The following ASIC2 variants were observed in gnomAD, a reference collection of about 807,000 sequenced individuals.
The protein encoded by ASIC2 is acid sensing ion channel subunit 2, also known as acid-sensing ion channel 2.
Under a neutral mutation model 57.3 loss-of-function variants are expected in ASIC2, and 25 were observed. That is an observed-to-expected ratio of 0.44 (90% CI 0.32 to 0.61). ASIC2 has a LOEUF of 0.61. Ranked by LOEUF, ASIC2 falls within the 20% of genes least tolerant of loss-of-function variation. The pLI is 0.06. For missense variants in ASIC2, 641 were observed against 738.1 expected (o/e 0.87, Z 1.52); for synonymous variants, 319 against 307.5 (o/e 1.04, Z -0.39).
Position 33,449,027 on chromosome 17 carries a change from A to G in ASIC2, c.556-336960T>C, listed in dbSNP as rs1001545539. On this transcript the variant is annotated intron_variant, in intron 1 of 9. Coordinates refer to the ASIC2 transcript ENST00000359872. ...TTCACTCCTGTAAAATGAAATAATAATATCTGCCCAAGGGTACCATTTGGT... is the reference window on the plus strand; with the variant it reads ...TTCACTCCTGTAAAATGAAATAATAGTATCTGCCCAAGGGTACCATTTGGT... Among the ~76,000 whole-genome samples the G allele has an allele frequency of 2.6e-5, 4 of 152,322 alleles. No individual in the cohort carries two copies. In the South Asian group the frequency reaches 8.3e-4, roughly 32 times the overall value.
chr17:33,841,769 T>C (rs1221140355), intron 1 of ASIC2, among the ~76,000 whole-genome samples: 1 of 152,188 alleles, frequency 6.6e-6, no homozygotes, highest in Non-Finnish European at 1.5e-5. Flanking sequence ...GGGAAGATCT[T>C]GCTCTTGTGT....
rs115911557 is a variant in ASIC2 at position 33,114,356 on chromosome 17, G to T, written c.709-2289C>A. Among the ~76,000 whole-genome samples, 595 of 152,306 alleles carry T rather than the reference G, an allele frequency of 3.9e-3. 2 individuals are homozygous for T. The highest frequency in any genetic ancestry group is 0.014 in the African/African-American group (575 of 41,568). ...ATGAACAGATAAGAGCATTTCATAA[G>T]CACATCCATTGCAAGGCATTGAACA... On this transcript the variant is annotated intron_variant, in intron 1 of 9. Transcript: ENST00000225823.
chr17:33,877,720 C>A (rs1250372717), intron 1 of ASIC2, among the ~76,000 whole-genome samples: 2 of 152,246 alleles, frequency 1.3e-5, no homozygotes, highest in Non-Finnish European at 2.9e-5. Flanking sequence ...GAAACCTCTG[C>A]AGACTTAAAT....
intron 1 of ASIC2, among the ~76,000 whole-genome samples, chr17:33,771,793 G>A (rs1191786944): frequency 1.3e-5 from 2 of 152,168 alleles, no homozygotes; most frequent in East Asian, 3.8e-4. Flanking sequence ...ACAGGCAAAA[G>A]ATCAAATATG....
At chr17:33,251,547 T>C (rs1908882676) in intron 1 of ASIC2, among the ~76,000 whole-genome samples, 2 of 152,176 alleles carry the variant, frequency 1.3e-5, no homozygotes, top group South Asian at 4.1e-4. Flanking sequence ...AGGCTGATCT[T>C]GAACTCCTGG....
intron 1 of ASIC2, among the ~76,000 whole-genome samples, chr17:33,914,597 C>T (rs1435212435): frequency 6.6e-6 from 1 of 152,128 alleles, no homozygotes; most frequent in Non-Finnish European, 1.5e-5. Flanking sequence ...AGAATGAAGG[C>T]CATATGGGGC....
At chr17:33,777,838 C>T (rs1911330841) in intron 1 of ASIC2, among the ~76,000 whole-genome samples, 1 of 152,214 alleles carries the variant, frequency 6.6e-6, no homozygotes, top group African/African-American at 2.4e-5. Context: ...CCAAGTGCTT[C>T]TCTCCTTCCT....
chr17:33,013,248 AG>A lies in ASIC2; in HGVS notation c.*716del, dbSNP rs2091787309. ...CAAATCTCCATCGGACAAACATAAAAGCCCCCCTACCCCAGATAAAAAGAAT... is the reference window on the plus strand; with the variant it reads ...CAAATCTCCATCGGACAAACATAAAACCCCCCTACCCCAGATAAAAAGAAT... On this transcript the variant is annotated 3_prime_UTR_variant, in exon 10 of 10. Coordinates refer to ENST00000225823, the MANE Select transcript of ASIC2 (RefSeq NM_183377.2). 6.6e-6 allele frequency: 1 copy of A among 152,318 alleles called. No homozygotes were observed. Among genetic ancestry groups the A allele is most frequent in the Non-Finnish European group, 1.5e-5 (1 of 68,060 alleles). The allele number at this position is 152,318 out of a possible 1,614,324, so 9.4% of individuals were successfully genotyped here.
intron 1 of ASIC2, among the ~76,000 whole-genome samples, chr17:33,130,393 A>G (rs1297999640): frequency 6.6e-6 from 1 of 152,174 alleles, no homozygotes; most frequent in Non-Finnish European, 1.5e-5. Flanking sequence ...GGTGATAGGT[A>G]CAAGGGGTTC....
chr17:34,058,881 T>TA (rs1908866752), intron 1 of ASIC2, among the ~76,000 whole-genome samples: 3 of 152,194 alleles, frequency 2.0e-5, no homozygotes, highest in African/African-American at 7.2e-5. Context: ...AGGTAGGTAT[T>TA]ATGACCTATA....
chr17:33,093,329 T>C (rs1222837626), intron 2 of ASIC2, among the ~76,000 whole-genome samples: 2 of 152,094 alleles, frequency 1.3e-5, no homozygotes, highest in East Asian at 3.9e-4. Flanking sequence ...ATTTGTCTTA[T>C]TGGCAACTGA....
At chr17:33,372,924 C>G (rs1169358579) in intron 1 of ASIC2, among the ~76,000 whole-genome samples, 1 of 152,162 alleles carries the variant, frequency 6.6e-6, no homozygotes, top group Non-Finnish European at 1.5e-5. Context: ...CAGGAGAGTT[C>G]TCTTTTCTCT....
chr17:33,612,654 T>C (rs1020938394), intron 1 of ASIC2, among the ~76,000 whole-genome samples: 2 of 152,142 alleles, frequency 1.3e-5, no homozygotes, highest in African/African-American at 4.8e-5. Context: ...CAGGCTGAGG[T>C]GTGTAAGTAT....
At chr17:33,470,585 A>G (rs1913017010) in intron 1 of ASIC2, among the ~76,000 whole-genome samples, 1 of 152,182 alleles carries the variant, frequency 6.6e-6, no homozygotes, top group Non-Finnish European at 1.5e-5. Context: ...GGTGATGCTG[A>G]TGCTATGAGT....
intron 1 of ASIC2, among the ~76,000 whole-genome samples, chr17:33,359,562 C>A (rs1194731569): frequency 6.6e-6 from 1 of 152,190 alleles, no homozygotes; most frequent in Non-Finnish European, 1.5e-5. Context: ...AGTAGCAATG[C>A]TCAGGGCTCA....
At chr17:33,847,811 G>A (rs188115972) in intron 1 of ASIC2, among the ~76,000 whole-genome samples, 1 of 152,204 alleles carries the variant, frequency 6.6e-6, no homozygotes. Flanking sequence ...CCCAGTGGAG[G>A]GGAGCCTGGG....
chr17:33,453,404 G>C (rs1004168194), intron 1 of ASIC2, among the ~76,000 whole-genome samples: 10 of 152,084 alleles, frequency 6.6e-5, no homozygotes, highest in Non-Finnish European at 1.2e-4. Context: ...GAGGGTGATG[G>C]ACTCTAGAGC....
At chr17:33,670,203 A>G (rs187771240) in intron 1 of ASIC2, among the ~76,000 whole-genome samples, 445 of 152,176 alleles carry the variant, frequency 2.9e-3, no homozygotes, top group Middle Eastern at 0.017. Flanking sequence ...GCACCCTGCA[A>G]ATGTTCTGTA....
At chr17:33,015,503 A>T (rs1032112718) in intron 9 of ASIC2, among the ~76,000 whole-genome samples, 1 of 152,196 alleles carries the variant, frequency 6.6e-6, no homozygotes, top group Non-Finnish European at 1.5e-5. Flanking sequence ...CGTACCAGGC[A>T]TACAATAGTC....
Sources: allele counts gnomAD v4.1 joint callset (sites outside exome capture counted in the v4.1 genomes callset), GRCh38; gene constraint gnomAD v4.1.1; transcripts MANE v1.5; gene names NCBI Gene and HGNC (gene_info 2026-07-23, HGNC 2026-07-21).